Variants in NT5DC3 observed in about 807,000 individuals in gnomAD.
NT5DC3 encodes 5'-nucleotidase domain-containing protein 3.
In NT5DC3, 42 loss-of-function variants were observed where a neutral mutation model predicts 67.8. That is an observed-to-expected ratio of 0.62 (90% CI 0.48 to 0.80). The LOEUF (loss-of-function observed/expected upper bound fraction) is 0.80. Among genes scored for constraint, NT5DC3 ranks in the 30% least tolerant of loss-of-function variants. The pLI is 0.00. For missense variants in NT5DC3, 570 were observed against 696.4 expected, an observed-to-expected ratio of 0.82 and a Z score of 2.04; for synonymous variants, 237 against 255.6, an observed-to-expected ratio of 0.93 and a Z score of 0.69.
rs149310346 is a variant in NT5DC3 at position 103,778,808 on chromosome 12, AAAAAG to A, written c.1395-732_1395-728del. ...GTGACAGAATGAGACCCTATCTCAA[AAAAAG>A]AAAAGAAAAGAAAAGAAAACAGCCT... On this transcript the variant is annotated intron_variant, in intron 13 of 13. Coordinates refer to ENST00000392876, the MANE Select transcript of NT5DC3 (RefSeq NM_001031701.3). Among the ~76,000 whole-genome samples, 743 of 152,244 alleles carry A rather than the reference AAAAAG, an allele frequency of 4.9e-3. 41 individuals are homozygous for A. The East Asian group carries it at 0.13, about 26-fold the overall frequency.
chr12:103,831,845 G>A (rs1321301183), intron 1 of NT5DC3, among the ~76,000 whole-genome samples: 2 of 145,904 alleles, frequency 1.4e-5, no homozygotes, highest in East Asian at 4.0e-4. Flanking sequence ...GTGTGATCTC[G>A]GCTCACTGCA....
chr12:103,800,376 A>C (rs1886514923), intron 4 of NT5DC3, among the ~76,000 whole-genome samples: 1 of 152,290 alleles, frequency 6.6e-6, no homozygotes. Flanking sequence ...CATTCGAGGC[A>C]GTGACCTTGG....
rs975371349 is a variant in NT5DC3 at position 103,828,842 on chromosome 12, G to A, written c.208+12107C>T. Among the ~76,000 whole-genome samples the A allele has an allele frequency of 9.2e-5, 14 of 152,176 alleles. 1 individual carries two copies. Among genetic ancestry groups the A allele is most frequent in the Admixed American group, 2.0e-4 (3 of 15,280 alleles). ...GCCTCCCAAGTAGCTGGGATTACAG[G>A]TATGCACCACCATGCCCAGTTAATT... is the stretch of plus-strand genomic sequence containing the variant. On this transcript the variant is annotated intron_variant, in intron 1 of 13. Transcript: ENST00000392876.
intron 11 of NT5DC3, 197 bp from the exon 12 acceptor site, chr12:103,785,672 A>C (rs1885734259): frequency 5.8e-6 from 4 of 684,918 alleles, no homozygotes; most frequent in Non-Finnish European, 1.1e-5. Flanking sequence ...ATTCCAAGAA[A>C]GTTTCAGTTC....
the NT5DC3 span, among the ~76,000 whole-genome samples, chr12:103,765,274 T>G: frequency 6.6e-6 from 1 of 152,234 alleles, no homozygotes; most frequent in East Asian, 1.9e-4. Context: ...GCACCATGCA[T>G]GAAAGATTTA....
intron 12 of NT5DC3, among the ~76,000 whole-genome samples, chr12:103,782,603 T>C (rs1215225268): frequency 6.6e-6 from 1 of 152,222 alleles, no homozygotes; most frequent in Admixed American, 6.5e-5. Context: ...GTGGTCTAAA[T>C]GTGGCCTCTG....
chr12:103,781,481 A>C (rs1277298456), intron 12 of NT5DC3, among the ~76,000 whole-genome samples: 2 of 152,258 alleles, frequency 1.3e-5, no homozygotes, highest in African/African-American at 4.8e-5. Flanking sequence ...AGCACCCAGC[A>C]GCTGGCTGGG....
intron 12 of NT5DC3, 151 bp from the exon 13 acceptor site, chr12:103,780,515 G>C (rs1416903533): frequency 7.4e-6 from 5 of 676,670 alleles, no homozygotes; most frequent in Non-Finnish European, 1.3e-5. Flanking sequence ...ACATTTTTCA[G>C]ACCTTCCAGT....
intron 1 of NT5DC3, among the ~76,000 whole-genome samples, chr12:103,838,342 T>C (rs1485892870): frequency 6.6e-6 from 1 of 152,200 alleles, no homozygotes; most frequent in Non-Finnish European, 1.5e-5. Flanking sequence ...CGCCAGGCAC[T>C]GTCCTAAATG....
intron 12 of NT5DC3, among the ~76,000 whole-genome samples, chr12:103,784,690 T>A (rs145388409): frequency 2.1e-3 from 323 of 152,154 alleles, no homozygotes; most frequent in Non-Finnish European, 3.8e-3. Flanking sequence ...AAGGGGCACA[T>A]GGAGAATTAA....
chr12:103,803,261 T>C (rs1461060922), intron 4 of NT5DC3, among the ~76,000 whole-genome samples: 2 of 152,176 alleles, frequency 1.3e-5, no homozygotes, highest in Admixed American at 6.5e-5. Flanking sequence ...AATTGTAATA[T>C]GTTAAATGTA....
chr12:103,763,959 T>A, the NT5DC3 span: 3 of 177,638 alleles, frequency 1.7e-5, no homozygotes, highest in African/African-American at 7.1e-5. Flanking sequence ...CAAAACAAGA[T>A]GGAAAAAGGA....
intron 9 of NT5DC3, among the ~76,000 whole-genome samples, chr12:103,790,581 C>T (rs1886003074): frequency 6.6e-6 from 1 of 151,952 alleles, no homozygotes; most frequent in South Asian, 2.1e-4. Flanking sequence ...AGACAGTCTC[C>T]CTATGTAGCC....
intron 2 of NT5DC3, among the ~76,000 whole-genome samples, chr12:103,810,479 T>C (rs1886984156): frequency 6.6e-6 from 1 of 152,136 alleles, no homozygotes; most frequent in Non-Finnish European, 1.5e-5. Context: ...GGGGAAAAAA[T>C]AAAAAGACTC....
intron 13 of NT5DC3, 68 bp from the exon 14 acceptor site, chr12:103,778,149 A>T: frequency 6.8e-7 from 1 of 1,467,684 alleles, no homozygotes; most frequent in South Asian, 1.4e-5. Flanking sequence ...AAACTACTGA[A>T]ATCAAAATCA....
In NT5DC3 at chr12:103,840,953, T is replaced by A; in HGVS notation, c.204A>T (p.Thr68=). The change falls in exon 1 of 14, where the codon ACA becomes ACT. Residue 68 remains threonine, a synonymous_variant. Coordinates refer to ENST00000392876, the MANE Select transcript of NT5DC3 (RefSeq NM_001031701.3). ...CGGGGTCGCCGCCTCACTCACCTTC[T>A]GTGCTTCTCTTCGCCTCCCGGTAGC... ...WERYREAKRS[T]EELVPSIMSN... The A allele has an allele frequency of 7.4e-7, 1 of 1,354,916 alleles. No homozygotes were observed. The allele number at this position is 1,354,916 out of a possible 1,614,324, so 83.9% of individuals were successfully genotyped here. A position where few individuals can be genotyped will look rare whatever the true frequency, so the allele number is the denominator to read the frequency against.
downstream of NT5DC3, among the ~76,000 whole-genome samples, chr12:103,767,763 T>G (rs1427984102): frequency 6.6e-6 from 1 of 151,624 alleles, no homozygotes; most frequent in East Asian, 1.9e-4. Context: ...GGCCTGGGTA[T>G]TAGCCAGGTG....
chr12:103,761,239 C>T, the NT5DC3 span: 25 of 1,519,852 alleles, frequency 1.6e-5, no homozygotes, highest in Middle Eastern at 1.7e-4. Context: ...AACAACTTCC[C>T]TCCATGGAGG....
At chr12:103,839,070 A>G (rs540258406) in intron 1 of NT5DC3, among the ~76,000 whole-genome samples, 1 of 152,300 alleles carries the variant, frequency 6.6e-6, no homozygotes, top group South Asian at 2.1e-4. Context: ...ATGTGAGAAA[A>G]CTGTACAGAA....
Sources: allele counts gnomAD v4.1 joint callset (sites outside exome capture counted in the v4.1 genomes callset), GRCh38; gene constraint gnomAD v4.1.1; transcripts MANE v1.5; gene names NCBI Gene and HGNC (gene_info 2026-07-23, HGNC 2026-07-21).